Variants in CRPPA observed in about 807,000 individuals in gnomAD.
CRPPA encodes CDP-L-ribitol pyrophosphorylase A.
A neutral mutation model predicts 52.0 loss-of-function variants in CRPPA; 43 were observed. The observed-to-expected ratio is 0.83, with a 90% CI of 0.65 to 1.07. The LOEUF is 1.07. CRPPA is among the 50% of genes least tolerant of loss of function. The pLI, the probability that CRPPA is intolerant of heterozygous loss-of-function variation, is 0.00. For missense variants in CRPPA, 629 were observed against 551.7 expected, an observed-to-expected ratio of 1.14 and a Z score of -1.40; for synonymous variants, 250 against 203.5, an observed-to-expected ratio of 1.23 and a Z score of -1.94.
At position 16,263,898 on chromosome 7, in the gene CRPPA, T is replaced by C. The variant is rs142665958; in HGVS notation, c.934-4886A>G. ...GCACTTAAAGTCATTCTTTAGCTAA[T>C]GCCCATAAACTAAGACAGAAATGCA... On this transcript the variant is annotated intron_variant, in intron 6 of 9. Coordinates refer to ENST00000407010, the MANE Select transcript of CRPPA (RefSeq NM_001101426.4). 3.7e-4 allele frequency among the ~76,000 whole-genome samples: 57 copies of C among 152,340 alleles called. 1 individual carries two copies. In the East Asian group the frequency reaches 9.3e-3, roughly 25 times the overall value.
At chr7:16,119,400 C>A (rs886548103) in intron 9 of CRPPA, among the ~76,000 whole-genome samples, 1 of 150,276 alleles carries the variant, frequency 6.7e-6, no homozygotes, top group East Asian at 2.0e-4. Flanking sequence ...AAAAAAAATG[C>A]AAAACACCAA....
intron 9 of CRPPA, among the ~76,000 whole-genome samples, chr7:16,130,328 A>G (rs1324979926): frequency 6.6e-6 from 1 of 152,244 alleles, no homozygotes; most frequent in East Asian, 1.9e-4. Flanking sequence ...ATCTTTAGTT[A>G]TATCACAGAA....
intron 8 of CRPPA, among the ~76,000 whole-genome samples, chr7:16,219,656 T>C (rs1458156909): frequency 8.9e-6 from 1 of 112,206 alleles, no homozygotes; most frequent in South Asian, 3.0e-4. Flanking sequence ...CAGAGAATAC[T>C]ACAAACACCT....
At chr7:16,138,288 C>G (rs961771603) in intron 9 of CRPPA, among the ~76,000 whole-genome samples, 1 of 152,048 alleles carries the variant, frequency 6.6e-6, no homozygotes, top group Non-Finnish European at 1.5e-5. Flanking sequence ...TCTACAATGC[C>G]TCAAGAAGAG....
At chr7:16,247,586 T>C (rs578131297) in intron 8 of CRPPA, among the ~76,000 whole-genome samples, 7 of 152,278 alleles carry the variant, frequency 4.6e-5, no homozygotes, top group Non-Finnish European at 8.8e-5. Context: ...TGAAACAGTT[T>C]AAAATATTGT....
intron 1 of CRPPA, among the ~76,000 whole-genome samples, chr7:16,414,999 C>T (rs1788161733): frequency 6.6e-6 from 1 of 151,812 alleles, no homozygotes; most frequent in Admixed American, 6.6e-5. Flanking sequence ...CAAATATATC[C>T]ACAAACAACA....
intron 5 of CRPPA, among the ~76,000 whole-genome samples, chr7:16,288,512 GAAGGA>G (rs1406038465): frequency 6.6e-6 from 1 of 151,896 alleles, no homozygotes. Context: ...AAAATTTGTA[GAAGGA>G]AAGAAAGATC....
chr7:16,289,002 G>A (rs10277820), intron 5 of CRPPA, among the ~76,000 whole-genome samples: 122,503 of 151,682 alleles, frequency 0.81, 50,098 homozygotes, highest in African/African-American at 0.93. Context: ...ACCAAATAAA[G>A]TGAGAAACAA....
chr7:16,390,160 G>C (rs752114555), intron 2 of CRPPA, among the ~76,000 whole-genome samples: 1 of 151,438 alleles, frequency 6.6e-6, no homozygotes, highest in South Asian at 2.1e-4. Flanking sequence ...TCTCAAATAC[G>C]TCTCTACATT....
At chr7:16,163,029 A>G (rs572657440) in intron 9 of CRPPA, among the ~76,000 whole-genome samples, 1 of 130,818 alleles carries the variant, frequency 7.6e-6, no homozygotes, top group East Asian at 2.2e-4. Context: ...GCTGGAGTGC[A>G]GTGGTGCGAT....
chr7:16,229,567 T>G (rs1043358970), intron 8 of CRPPA, among the ~76,000 whole-genome samples: 2 of 152,058 alleles, frequency 1.3e-5, no homozygotes, highest in African/African-American at 4.8e-5. Context: ...TCCTCCATAT[T>G]TAGTATTTTT....
intron 2 of CRPPA, among the ~76,000 whole-genome samples, chr7:16,387,391 A>G (rs948353009): frequency 2.0e-5 from 3 of 151,992 alleles, no homozygotes; most frequent in African/African-American, 7.2e-5. Flanking sequence ...TAGAGCAACC[A>G]CTAGCAATGA....
intron 9 of CRPPA, among the ~76,000 whole-genome samples, chr7:16,124,076 G>C (rs1441279119): frequency 1.3e-5 from 2 of 150,182 alleles, no homozygotes; most frequent in East Asian, 3.9e-4. Flanking sequence ...CCAGTAGTTG[G>C]ATTGCTGGAT....
At chr7:16,220,913 G>A (rs914171538) in intron 8 of CRPPA, among the ~76,000 whole-genome samples, 75 of 152,140 alleles carry the variant, frequency 4.9e-4, no homozygotes, top group Admixed American at 4.8e-3. Context: ...CAAGCTACCA[G>A]TGACTTTCTT....
intron 4 of CRPPA, among the ~76,000 whole-genome samples, chr7:16,305,667 ACCAT>A (rs1292896262): frequency 6.6e-6 from 1 of 152,166 alleles, no homozygotes; most frequent in African/African-American, 2.4e-5. Context: ...GGAGATCAAG[ACCAT>A]CCTGGCCAAC....
intron 4 of CRPPA, 134 bp downstream of exon 4, chr7:16,308,389 C>A: frequency 1.6e-6 from 1 of 612,664 alleles, no homozygotes. Flanking sequence ...AGAAGGGATA[C>A]TACACATTGA....
chr7:16,303,491 A>AAAAAAAAAAAAAAAC (rs766268683), intron 4 of CRPPA, among the ~76,000 whole-genome samples: 1 of 124,936 alleles, frequency 8.0e-6, no homozygotes, highest in African/African-American at 2.6e-5. Flanking sequence ...AAAAAAAAAA[A>AAAAAAAAAAAAAAAC]AAAAAAAAAA....
intron 9 of CRPPA, among the ~76,000 whole-genome samples, chr7:16,141,433 TTAAGA>T (rs1321447544): frequency 6.6e-4 from 100 of 152,286 alleles, no homozygotes; most frequent in Non-Finnish European, 1.8e-4. Context: ...TAGATCCTAA[TTAAGA>T]TAACAGCTGT....
Position 16,308,123 on chromosome 7 carries a change from A to T in CRPPA, c.789+400T>A, listed in dbSNP as rs545103303. On this transcript the variant is annotated intron_variant, in intron 4 of 9. Transcript: ENST00000407010. The stretch of plus-strand genomic sequence containing the variant: ...TCCTTTGCTTTCTGCCATAATTGGA[A>T]GCCTCCTGAGGCCTCTCCAGAAGCA... Among the ~76,000 whole-genome samples the T allele has an allele frequency of 7.9e-5, 12 of 152,102 alleles. No individual in the cohort carries two copies. The South Asian group carries it at 2.3e-3, about 29-fold the overall frequency.
Sources: gnomAD v4.1 joint callset for allele counts (sites outside exome capture counted in the v4.1 genomes callset) on GRCh38, gnomAD v4.1.1 for gene constraint, MANE v1.5 for transcripts, NCBI Gene and HGNC (gene_info 2026-07-23, HGNC 2026-07-21) for gene names.